SHQ1: variants seen among roughly 807,000 people sequenced by gnomAD.
SHQ1 encodes the protein protein SHQ1 homolog.
A neutral mutation model predicts 53.8 loss-of-function variants in SHQ1; 49 were observed. The observed-to-expected ratio is 0.91, with a 90% CI of 0.72 to 1.16. The LOEUF is 1.16. Among genes scored for constraint, SHQ1 ranks in the 50% most tolerant of loss-of-function variants. The pLI is 0.00. For missense variants in SHQ1, 738 were observed against 683.1 expected, an observed-to-expected ratio of 1.08 and a Z score of -0.90; for synonymous variants, 243 against 251.0, an observed-to-expected ratio of 0.97 and a Z score of 0.30.
intron 9 of SHQ1, among the ~76,000 whole-genome samples, chr3:72,801,818 T>G (rs1332487785): frequency 6.6e-6 from 1 of 152,214 alleles, no homozygotes; most frequent in Non-Finnish European, 1.5e-5. Context: ...GCATGAAAAT[T>G]TTGACTATGA....
At position 72,824,447 on chromosome 3, in the gene SHQ1, T is replaced by C. The variant is rs1375855561; in HGVS notation, c.704A>G (p.Glu235Gly). ...KMMAFLEKSQ[E>G]QENHATLVSF... ...ACCTAATGTAGCATGATTTTCTTGT[T>C]CCTGACTCTTTTCCAAAAAGGCCAT... The change falls in exon 6 of 11, where the codon GAA becomes GGA. Residue 235 changes from glutamate (E) to glycine (G), a missense_variant. Coordinates refer to ENST00000325599, the MANE Select transcript of SHQ1 (RefSeq NM_018130.3). 1.4e-5 allele frequency: 22 copies of C among 1,611,862 alleles called. No individual in the cohort carries two copies. Among genetic ancestry groups the C allele is most frequent in the Non-Finnish European group, 1.8e-5 (21 of 1,179,640 alleles).
At chr3:72,807,585 T>C (rs1424790597) in intron 9 of SHQ1, among the ~76,000 whole-genome samples, 1 of 152,228 alleles carries the variant, frequency 6.6e-6, no homozygotes, top group Non-Finnish European at 1.5e-5. Context: ...CAATTCAATT[T>C]TTTTAAAAGT....
chr3:72,793,902 C>G (rs948910532), intron 9 of SHQ1: 18 of 152,164 alleles, frequency 1.2e-4, no homozygotes, highest in African/African-American at 3.9e-4. Flanking sequence ...AGTATTAAAG[C>G]CTTGTTCAAC....
At chr3:72,769,189 C>T (rs1023861362) in intron 10 of SHQ1, among the ~76,000 whole-genome samples, 1 of 152,196 alleles carries the variant, frequency 6.6e-6, no homozygotes, top group Non-Finnish European at 1.5e-5. Flanking sequence ...ATAATGGAGA[C>T]AGCTGGCCCC....
the SHQ1 span, among the ~76,000 whole-genome samples, chr3:72,735,710 G>GAGGAAGGAAGGA: frequency 3.6e-3 from 363 of 101,724 alleles, 4 homozygotes; most frequent in African/African-American, 7.3e-3. Flanking sequence ...GAGAGAGAGA[G>GAGGAAGGAAGGA]AGGAAGGAAG....
chr3:72,736,706 T>C, the SHQ1 span, among the ~76,000 whole-genome samples: 2 of 145,364 alleles, frequency 1.4e-5, no homozygotes, highest in Non-Finnish European at 3.0e-5. Flanking sequence ...GGCAAGAGAA[T>C]TGCTTGAACC....
At chr3:72,804,419 AC>A (rs202099919) in intron 9 of SHQ1, among the ~76,000 whole-genome samples, 2 of 136,472 alleles carry the variant, frequency 1.5e-5, no homozygotes, top group Non-Finnish European at 3.2e-5. Flanking sequence ...CTCCGGCACC[AC>A]CCCCCCACCC....
intron 4 of SHQ1, among the ~76,000 whole-genome samples, chr3:72,833,144 T>TAA (rs1279541082): frequency 2.0e-5 from 3 of 152,170 alleles, no homozygotes; most frequent in Non-Finnish European, 4.4e-5. Context: ...TCAGATCCTG[T>TAA]AAAAGACTAC....
chr3:72,759,856 T>G (rs1705573211), intron 10 of SHQ1, among the ~76,000 whole-genome samples: 1 of 152,244 alleles, frequency 6.6e-6, no homozygotes, highest in Non-Finnish European at 1.5e-5. Flanking sequence ...TTAATTGTAT[T>G]TGTAATTGTT....
Position 72,844,391 on chromosome 3 carries a change from C to G in SHQ1, c.176G>C (p.Gly59Ala). ...LTLPGRIVEN[G>A]SEQGSYDADK... ...TGCATCATAGGACCCTTGCTCACTT[C>G]CATTTTCTACAATTCTTCCAGGAAG... Residue 59 changes from glycine to alanine, a missense_variant, in exon 2 of 11, where the codon GGA (glycine) becomes GCA (alanine). Coordinates refer to ENST00000325599, the MANE Select transcript of SHQ1 (RefSeq NM_018130.3). 6.2e-7 allele frequency: 1 copy of G among 1,613,830 alleles called. No individual in the cohort carries two copies. The highest frequency in any genetic ancestry group is 8.5e-7 in the Non-Finnish European group (1 of 1,179,840).
intron 7 of SHQ1, among the ~76,000 whole-genome samples, chr3:72,816,959 C>T (rs1478499039): frequency 6.6e-6 from 1 of 152,158 alleles, no homozygotes; most frequent in African/African-American, 2.4e-5. Context: ...AGTAGCCTTC[C>T]TCTCTACTCT....
intron 8 of SHQ1, among the ~76,000 whole-genome samples, chr3:72,813,541 A>C (rs984799465): frequency 2.0e-5 from 3 of 149,594 alleles, no homozygotes; most frequent in Non-Finnish European, 4.4e-5. Flanking sequence ...CGACGGGCGG[A>C]CCACAAGGCC....
At chr3:72,729,898 G>C in the SHQ1 span, among the ~76,000 whole-genome samples, 42 of 152,248 alleles carry the variant, frequency 2.8e-4, no homozygotes, top group African/African-American at 8.7e-4. Context: ...TCTCACTGCA[G>C]GCTCTGCCCC....
chr3:72,809,877 T>C (rs568788529), intron 9 of SHQ1: 6 of 151,830 alleles, frequency 4.0e-5, no homozygotes, highest in African/African-American at 1.2e-4. Context: ...GAGAATTTCT[T>C]GAACCCAGGA....
At chr3:72,834,303 C>A (rs534898269) in intron 4 of SHQ1, among the ~76,000 whole-genome samples, 1 of 152,144 alleles carries the variant, frequency 6.6e-6, no homozygotes, top group Non-Finnish European at 1.5e-5. Context: ...CCAAGGCGGG[C>A]GGATCACCTG....
intron 6 of SHQ1, among the ~76,000 whole-genome samples, chr3:72,819,083 T>C (rs11929144): frequency 0.37 from 56,050 of 152,120 alleles, 13,994 homozygotes; most frequent in African/African-American, 0.71. Flanking sequence ...TTCTGACTCA[T>C]GGAAACTGAG....
intron 4 of SHQ1, among the ~76,000 whole-genome samples, chr3:72,833,483 TAGATAGATAGATAGATAGACAGAC>T (rs1311628620): frequency 0.019 from 1,641 of 88,516 alleles, 22 homozygotes; most frequent in Middle Eastern, 0.058. Context: ...GATAGATAGA[TAGATAGATAGATAGATAGACAGAC>T]AGACAGACAG....
downstream of SHQ1, among the ~76,000 whole-genome samples, chr3:72,746,086 G>A (rs1415954501): frequency 6.6e-6 from 1 of 152,076 alleles, no homozygotes; most frequent in Non-Finnish European, 1.5e-5. Flanking sequence ...CAAGTGATCT[G>A]TCTGCCTCGG....
downstream of SHQ1, among the ~76,000 whole-genome samples, chr3:72,745,911 C>T (rs1246363020): frequency 1.3e-5 from 2 of 151,332 alleles, no homozygotes; most frequent in Non-Finnish European, 2.9e-5. Context: ...GGCACAATCT[C>T]GGCTCACTGC....
Sources: gnomAD v4.1 joint callset for allele counts (sites outside exome capture counted in the v4.1 genomes callset) on GRCh38, gnomAD v4.1.1 for gene constraint, MANE v1.5 for transcripts, NCBI Gene and HGNC (gene_info 2026-07-23, HGNC 2026-07-21) for gene names.